Variants in GRM7 observed in about 807,000 individuals in gnomAD.
GRM7 encodes the protein metabotropic glutamate receptor 7.
In GRM7, 35 loss-of-function variants were observed where a neutral mutation model predicts 84.5. The observed-to-expected ratio is 0.41, with a 90% CI of 0.32 to 0.55. The LOEUF is 0.55. Ranked by LOEUF, GRM7 falls within the 20% of genes least tolerant of loss-of-function variation. GRM7 has a pLI of 0.19. For synonymous variants in GRM7, 487 were observed against 455.1 expected (o/e 1.07, Z -0.89); for missense variants, 1,003 against 1,194.6 (o/e 0.84, Z 2.36).
chr3:7,508,281 A>G (rs1190815096), intron 7 of GRM7, among the ~76,000 whole-genome samples: 2 of 152,180 alleles, frequency 1.3e-5, no homozygotes, highest in East Asian at 3.9e-4. Context: ...AAAATAGAAA[A>G]TAAAGATTAA....
intron 1 of GRM7, among the ~76,000 whole-genome samples, chr3:7,034,333 A>T (rs1696298225): frequency 6.6e-6 from 1 of 152,108 alleles, no homozygotes; most frequent in Non-Finnish European, 1.5e-5. Flanking sequence ...ACCCCAGGTG[A>T]TTCTGATAAT....
In GRM7 at chr3:7,209,168, G is replaced by A. The variant is rs190052784; in HGVS notation, c.736+62500G>A. ...GAAGATCTCATATAATTTATTGAAT[G>A]CTGTACTGAAAGTACAAATCAGAGT... On this transcript the variant is annotated intron_variant, in intron 2 of 9. Transcript: ENST00000357716. Among the ~76,000 whole-genome samples the A allele has an allele frequency of 3.1e-3, 475 of 152,248 alleles. 1 individual carries two copies. Among genetic ancestry groups the A allele is most frequent in the African/African-American group, 8.5e-3 (353 of 41,542 alleles).
At chr3:7,436,118 A>T (rs1401372060) in intron 5 of GRM7, among the ~76,000 whole-genome samples, 1 of 152,104 alleles carries the variant, frequency 6.6e-6, no homozygotes. Context: ...AAGTGCCGGG[A>T]TTACAGGCGT....
rs564133718 is a variant in GRM7 at position 7,277,952 on chromosome 3, A to G, written c.737-20732A>G. Among the ~76,000 whole-genome samples, 29 of 152,232 alleles carry G rather than the reference A, an allele frequency of 1.9e-4. No individual in the cohort carries two copies. In the East Asian group the frequency reaches 4.8e-3, roughly 25 times the overall value. On this transcript the variant is annotated intron_variant, in intron 2 of 9. Coordinates refer to ENST00000357716, the MANE Select transcript of GRM7 (RefSeq NM_000844.4). Reference sequence around the variant, plus strand: ...TAATTGATAATTTTTGAAGATGTTAAGAATTCTGAAGTCATACATTATTGC... The same window carrying G: ...TAATTGATAATTTTTGAAGATGTTAGGAATTCTGAAGTCATACATTATTGC...
intron 7 of GRM7, among the ~76,000 whole-genome samples, chr3:7,487,435 G>T (rs996982956): frequency 2.0e-5 from 3 of 152,090 alleles, no homozygotes; most frequent in African/African-American, 7.2e-5. Context: ...TGGGAAAAAG[G>T]CCCAGAGACC....
intron 8 of GRM7, among the ~76,000 whole-genome samples, chr3:7,677,789 T>A (rs180675189): frequency 2.0e-5 from 3 of 152,258 alleles, no homozygotes; most frequent in African/African-American, 7.2e-5. Flanking sequence ...AGACAACAAA[T>A]TGTTCCACCA....
intron 7 of GRM7, among the ~76,000 whole-genome samples, chr3:7,523,384 G>A (rs544378504): frequency 3.3e-4 from 50 of 152,114 alleles, no homozygotes; most frequent in African/African-American, 9.9e-4. Context: ...TGTAACAAAC[G>A]GAACCTACAA....
chr3:7,393,539 C>T (rs1046562400), intron 4 of GRM7, among the ~76,000 whole-genome samples: 4 of 152,170 alleles, frequency 2.6e-5, no homozygotes, highest in African/African-American at 7.2e-5. Context: ...TCTGGTGCTT[C>T]CTGTCTTTTC....
intron 2 of GRM7, among the ~76,000 whole-genome samples, chr3:7,196,888 AC>A (rs1397016269): frequency 2.0e-5 from 3 of 152,212 alleles, no homozygotes; most frequent in Non-Finnish European, 4.4e-5. Flanking sequence ...CATGAAAGTT[AC>A]CCAGTGAATA....
intron 5 of GRM7, among the ~76,000 whole-genome samples, chr3:7,435,851 C>CTTTTTTTTTTT (rs34860272): frequency 1.2e-4 from 11 of 89,266 alleles, no homozygotes; most frequent in South Asian, 4.9e-4. Flanking sequence ...CCACACCCAT[C>CTTTTTTTTTTT]TTTTTTTTTT....
chr3:6,864,684 C>T (rs1028287549), intron 1 of GRM7, among the ~76,000 whole-genome samples: 8 of 152,096 alleles, frequency 5.3e-5, no homozygotes, highest in Non-Finnish European at 1.2e-4. Flanking sequence ...TTGAGATATA[C>T]GTTTATAGTG....
At chr3:7,227,628 T>A (rs2124890563) in intron 2 of GRM7, among the ~76,000 whole-genome samples, 1 of 152,334 alleles carries the variant, frequency 6.6e-6, no homozygotes, top group South Asian at 2.1e-4. Flanking sequence ...ATAAAGTGCT[T>A]ATCATCATAA....
At chr3:7,436,492 T>G (rs1433209003) in intron 5 of GRM7, among the ~76,000 whole-genome samples, 1 of 152,172 alleles carries the variant, frequency 6.6e-6, no homozygotes, top group Admixed American at 6.5e-5. Context: ...ATACTTTGTC[T>G]ACCTCTGGCT....
intron 4 of GRM7, among the ~76,000 whole-genome samples, chr3:7,375,870 A>C (rs1694329565): frequency 6.6e-6 from 1 of 152,256 alleles, no homozygotes; most frequent in East Asian, 1.9e-4. Flanking sequence ...TCCCAGGTGC[A>C]GCTCTTTTAC....
At chr3:7,310,709 C>T (rs1387836774) in intron 4 of GRM7, among the ~76,000 whole-genome samples, 1 of 152,168 alleles carries the variant, frequency 6.6e-6, no homozygotes, top group Non-Finnish European at 1.5e-5. Flanking sequence ...GGGTTTCTGT[C>T]ACTTGCAACC....
intron 7 of GRM7, among the ~76,000 whole-genome samples, chr3:7,527,848 A>G (rs1472948198): frequency 6.6e-6 from 1 of 152,054 alleles, no homozygotes; most frequent in Non-Finnish European, 1.5e-5. Context: ...TGTATGTTGA[A>G]GTAAACTTGC....
At chr3:7,483,983 TTAATA>T (rs1699229454) in intron 7 of GRM7, among the ~76,000 whole-genome samples, 1 of 152,172 alleles carries the variant, frequency 6.6e-6, no homozygotes, top group Non-Finnish European at 1.5e-5. Context: ...TTTAGTGAGA[TTAATA>T]TAATTGAATA....
At chr3:6,897,900 G>A (rs1306766466) in intron 1 of GRM7, among the ~76,000 whole-genome samples, 2 of 152,194 alleles carry the variant, frequency 1.3e-5, no homozygotes, top group Admixed American at 1.3e-4. Context: ...CACTGCTGGA[G>A]AGTGGGGGCC....
intron 8 of GRM7, among the ~76,000 whole-genome samples, chr3:7,599,214 T>C (rs1696194407): frequency 6.6e-6 from 1 of 152,216 alleles, no homozygotes. Context: ...TCTTTACATA[T>C]TGACGTTTCC....
Sources: allele counts gnomAD v4.1 joint callset (sites outside exome capture counted in the v4.1 genomes callset), GRCh38; gene constraint gnomAD v4.1.1; transcripts MANE v1.5; gene names NCBI Gene and HGNC (gene_info 2026-07-23, HGNC 2026-07-21).